The following SLC25A41 variants were observed in gnomAD, a reference collection of about 807,000 sequenced individuals.
SLC25A41 encodes the protein solute carrier family 25 member 41, also known as mitochondrial carrier protein SCaMC-3L.
SLC25A41 carries 35 observed loss-of-function variants against 34.7 expected under a neutral mutation model. The observed-to-expected ratio is 1.01, with a 90% confidence interval of 0.77 to 1.34. The LOEUF is 1.34. SLC25A41 is among the 40% of genes most tolerant of loss of function. The pLI, the probability that SLC25A41 is intolerant of heterozygous loss-of-function variation, is 0.00. For synonymous variants in SLC25A41, 190 were observed against 209.9 expected (o/e 0.91, Z 0.82); for missense variants, 492 against 489.8 (o/e 1.00, Z -0.04).
upstream of SLC25A41, among the ~76,000 whole-genome samples, chr19:6,434,817 G>A (rs766911581): frequency 6.6e-6 from 1 of 152,124 alleles, no homozygotes; most frequent in Non-Finnish European, 1.5e-5. Context: ...GCTGAGACAG[G>A]AGAATTGCTT....
At position 6,427,205 on chromosome 19, in the gene SLC25A41, G is replaced by C. The variant is rs780621716; in HGVS notation, c.838C>G (p.Pro280Ala). ...WVKSGRDMGDPSGLVSLSSVT... is the reference protein window; with the variant it reads ...WVKSGRDMGDASGLVSLSSVT... ...GACGACAGACTGACCAGGCCACTGG[G>C]GTCCCCCATATCCCTGCCTGACTTC... Residue 280 changes from proline (P) to alanine (A), a missense_variant, in exon 6 of 7, where the codon CCC becomes GCC. By Grantham distance (27) the Pro-to-Ala change is conservative. Transcript: ENST00000321510. The surrounding 1 kb of genome is among the most constrained non-coding windows in gnomAD (Gnocchi z 4.9). The C allele has an allele frequency of 1.2e-6, 2 of 1,612,646 alleles. No individual in the cohort carries two copies. The highest frequency in any genetic ancestry group is 2.2e-5 in the South Asian group (2 of 91,052).
chr19:6,433,697 G>A lies in SLC25A41; in HGVS notation c.-4C>T, dbSNP rs1268504763. ...GTTCCCCAGGCTGAGCGCCCATGGA[G>A]GAAGTTAGGACACCTGGCTTCAAAT... On this transcript the variant is annotated 5_prime_UTR_variant, in exon 1 of 7. Transcript: ENST00000321510. 7 of 1,545,226 alleles carry A rather than the reference G, an allele frequency of 4.5e-6. No individual in the cohort carries two copies. The highest frequency in any genetic ancestry group is 8.8e-7 in the Non-Finnish European group (1 of 1,142,192).
At position 6,430,039 on chromosome 19, in the gene SLC25A41, C is replaced by T; in HGVS notation, c.486G>A (p.Glu162=). 1 of 1,612,578 alleles carries T rather than the reference C, an allele frequency of 6.2e-7. No individual in the cohort carries two copies. Among genetic ancestry groups the T allele is most frequent in the East Asian group, 2.2e-5 (1 of 44,850 alleles). ...NGINVLKIAP[E]YAIKFSVFEQ... ...CGAATACGGAGAACTTGATGGCATA[C>T]TCAGGAGCAATCTTGAGCACGTTGA... Residue 162 remains glutamate, a synonymous_variant, in exon 3 of 7, where the codon GAG becomes GAA. Coordinates refer to ENST00000321510, the MANE Select transcript of SLC25A41 (RefSeq NM_173637.4).
At chr19:6,430,462 TC>T in intron 2 of SLC25A41, 1 of 437,152 alleles carries the variant, frequency 2.3e-6, no homozygotes, top group Non-Finnish European at 4.1e-6. Context: ...GTTCCCTCCC[TC>T]CCTCCCTTCC....
intron 2 of SLC25A41, among the ~76,000 whole-genome samples, chr19:6,431,731 C>A (rs879538800): frequency 7.2e-5 from 11 of 152,170 alleles, no homozygotes; most frequent in Non-Finnish European, 1.2e-4. Flanking sequence ...GCATGAGCCA[C>A]TGCACCTGGC....
intron 2 of SLC25A41, among the ~76,000 whole-genome samples, chr19:6,430,845 G>A (rs1276032285): frequency 6.6e-6 from 1 of 151,918 alleles, no homozygotes; most frequent in African/African-American, 2.4e-5. Flanking sequence ...ACAGGATCTT[G>A]TTCTGTTGCC....
intron 2 of SLC25A41, 148 bp downstream of exon 2, chr19:6,431,901 A>C: frequency 1.1e-6 from 1 of 936,466 alleles, no homozygotes; most frequent in Non-Finnish European, 1.5e-6. Flanking sequence ...ACCATCCACA[A>C]CCTCAATCTC....
intron 1 of SLC25A41, among the ~76,000 whole-genome samples, chr19:6,432,880 C>A (rs1429890032): frequency 6.6e-6 from 1 of 151,726 alleles, no homozygotes; most frequent in Admixed American, 6.6e-5. Context: ...GTTGGCCAGG[C>A]TGGTCTTGAA....
upstream of SLC25A41, among the ~76,000 whole-genome samples, chr19:6,435,051 CT>C (rs1354760951): frequency 2.2e-4 from 33 of 149,136 alleles, no homozygotes; most frequent in African/African-American, 7.4e-4. Context: ...GGCCAGACCC[CT>C]GTCTCTATAA....
intron 2 of SLC25A41, chr19:6,430,591 G>A (rs1487298203): frequency 2.3e-5 from 8 of 351,954 alleles, no homozygotes; most frequent in African/African-American, 1.4e-4. Context: ...AGGTTCAGGC[G>A]ATTCTCCTGC....
rs763207346 is a variant in SLC25A41 at position 6,433,550 on chromosome 19, G to A, written c.144C>T (p.His48=). Residue 48 remains histidine (H), a synonymous_variant, in exon 1 of 7, where the codon CAC becomes CAT. Transcript: ENST00000321510. ...TGTGGCCAAACGCGTACCCATACAC[G>A]TGTGTACAGCCAGGGTTCCAGGATG... ...PPPSWNPGCT[H]VYGYAFGHMH... 9.3e-6 allele frequency: 15 copies of A among 1,613,334 alleles called. No individual in the cohort carries two copies. Among genetic ancestry groups the A allele is most frequent in the East Asian group, 4.5e-5 (2 of 44,870 alleles).
chr19:6,429,643 G>T (rs2092275438), intron 4 of SLC25A41, 81 bp downstream of exon 4: 2 of 974,630 alleles, frequency 2.1e-6, no homozygotes, highest in Non-Finnish European at 3.0e-6. Flanking sequence ...GGGGAGAAAG[G>T]AGGAAGAGGA....
In SLC25A41 at chr19:6,429,144, A is replaced by ATATATGTT. The variant is rs1491568414; in HGVS notation, c.624+579_624+580insAACATATA. ...TTATATATATGTTATATATATATAT[A>ATATATGTT]ATATATATATTATATATATAATATA... On this transcript the variant is annotated intron_variant, in intron 4 of 6. Coordinates refer to ENST00000321510, the MANE Select transcript of SLC25A41 (RefSeq NM_173637.4). Among the ~76,000 whole-genome samples, 82 of 30,696 alleles carry ATATATGTT rather than the reference A, an allele frequency of 2.7e-3. 17 individuals carry two copies. Among genetic ancestry groups the ATATATGTT allele is most frequent in the Admixed American group, 5.7e-3 (7 of 1,234 alleles). 20.1% of individuals were successfully genotyped at this position (30,696 alleles called of 152,430 possible). A position where few individuals can be genotyped will look rare whatever the true frequency, so the allele number is the denominator to read the frequency against.
At position 6,427,613 on chromosome 19, in the gene SLC25A41, A is replaced by G; in HGVS notation, c.625-112T>C. On this transcript the variant is annotated intron_variant, in intron 4 of 6. Coordinates refer to ENST00000321510, the MANE Select transcript of SLC25A41 (RefSeq NM_173637.4). The surrounding 1 kb of genome is among the most constrained non-coding windows in gnomAD (Gnocchi z 4.9). ...AGGAAAATGAGGCTCAGGAAGGCAA[A>G]GAGCTGGGTTTCAGACCCGGATCTG... 8.0e-7 allele frequency: 1 copy of G among 1,255,232 alleles called. No homozygotes were observed. The highest frequency in any genetic ancestry group is 1.8e-5 in the South Asian group (1 of 55,548). The allele number at this position is 1,255,232 out of a possible 1,614,324, so 77.8% of individuals were successfully genotyped here. A position where few individuals can be genotyped will look rare whatever the true frequency, so the allele number is the denominator to read the frequency against.
chr19:6,431,533 G>A (rs1386436405), intron 2 of SLC25A41, among the ~76,000 whole-genome samples: 2 of 151,796 alleles, frequency 1.3e-5, no homozygotes, highest in East Asian at 1.9e-4. Flanking sequence ...TCCATCTCCT[G>A]GGTTCAAGCA....
chr19:6,428,841 G>A (rs1397099798), intron 4 of SLC25A41, among the ~76,000 whole-genome samples: 1 of 143,648 alleles, frequency 7.0e-6, no homozygotes, highest in Non-Finnish European at 1.5e-5. Context: ...AGCCTCCTGA[G>A]TAGCTGGGAC....
chr19:6,426,669 T>C, intron 6 of SLC25A41, 108 bp from the exon 7 acceptor site: 2 of 1,205,388 alleles, frequency 1.7e-6, no homozygotes. Flanking sequence ...GCCCCAGGGG[T>C]CAGTAGGAAA....
At chr19:6,431,443 T>C (rs1312582520) in intron 2 of SLC25A41, among the ~76,000 whole-genome samples, 9 of 150,986 alleles carry the variant, frequency 6.0e-5, no homozygotes, top group South Asian at 4.2e-4. Context: ...CCTTTTTTTT[T>C]TTTCTTTCTT....
chr19:6,429,343 GAGGGA>G (rs2145141638), intron 4 of SLC25A41, among the ~76,000 whole-genome samples: 1 of 93,068 alleles, frequency 1.1e-5, no homozygotes, highest in Non-Finnish European at 2.3e-5. Flanking sequence ...AAAGGGGGAA[GAGGGA>G]GAGGAGGGAG....
Sources: allele counts gnomAD v4.1 joint callset (sites outside exome capture counted in the v4.1 genomes callset), GRCh38; gene constraint gnomAD v4.1.1; non-coding constraint Gnocchi (gnomAD v3.1); transcripts MANE v1.5; gene names NCBI Gene and HGNC (gene_info 2026-07-23, HGNC 2026-07-21).